The following SLC28A1 variants were observed in gnomAD, a reference collection of about 807,000 sequenced individuals.
SLC28A1 encodes the protein solute carrier family 28 member 1, also known as sodium/nucleoside cotransporter 1.
A neutral mutation model predicts 74.8 loss-of-function variants in SLC28A1; 64 were observed. That is an observed-to-expected ratio of 0.86 (90% CI 0.70 to 1.05). SLC28A1 has a LOEUF of 1.05. SLC28A1 is among the 50% of genes least tolerant of loss of function. SLC28A1 has a pLI of 0.00. For synonymous variants in SLC28A1, 359 were observed against 335.0 expected (o/e 1.07, Z -0.78); for missense variants, 828 against 822.8 (o/e 1.01, Z -0.08).
intron 9 of SLC28A1, among the ~76,000 whole-genome samples, chr15:84,910,323 T>C (rs72754920): frequency 0.018 from 2,772 of 152,314 alleles, 34 homozygotes; most frequent in Non-Finnish European, 0.026. Flanking sequence ...TACCTTTGCA[T>C]AACCAATGCG....
intron 12 of SLC28A1, among the ~76,000 whole-genome samples, chr15:84,929,810 C>G (rs1332504799): frequency 6.6e-6 from 1 of 152,188 alleles, no homozygotes; most frequent in Non-Finnish European, 1.5e-5. Flanking sequence ...TATAGTGAGC[C>G]ATGATCATGC....
chr15:84,945,448 C>T lies in SLC28A1; in HGVS notation c.*248C>T. ...TCCTAACTCCCCCAGTGTGAATTCT[C>T]AGGGTCACTTCTGCCTCCTCCCGTT... On this transcript the variant is annotated 3_prime_UTR_variant, in exon 19 of 19. Transcript: ENST00000394573. The T allele has an allele frequency of 1.9e-6, 1 of 529,352 alleles. No individual in the cohort carries two copies. Among genetic ancestry groups the T allele is most frequent in the Non-Finnish European group, 3.5e-6 (1 of 287,570 alleles). 32.8% of individuals were successfully genotyped at this position (529,352 alleles called of 1,614,324 possible).
rs970673161 is a variant in SLC28A1 at position 84,944,774 on chromosome 15, G to A, written c.1781G>A (p.Arg594Lys). 23 of 1,613,226 alleles carry A rather than the reference G, an allele frequency of 1.4e-5. No homozygotes were observed. Among genetic ancestry groups the A allele is most frequent in the East Asian group, 2.2e-5 (1 of 44,870 alleles). The change falls in exon 18 of 19, where the codon AGG becomes AAG. Residue 594 changes from arginine (R) to lysine (K), a missense_variant. Transcript: ENST00000394573. ...TCTACAGGGATCCTCTACATGCCCA[G>A]GGGGGCTGAAGTTGACTGCATGTCC... ...ACMAGILYMP[R>K]GAEVDCMSLL... is the part of the protein sequence containing the mutation.
intron 13 of SLC28A1, 108 bp downstream of exon 13, chr15:84,933,383 C>A: frequency 1.5e-6 from 2 of 1,355,188 alleles, no homozygotes; most frequent in Non-Finnish European, 2.1e-6. Context: ...TAGCCTGGGC[C>A]CATCTCTCCA....
At chr15:84,936,350 C>T (rs12906038) in intron 15 of SLC28A1, among the ~76,000 whole-genome samples, 46,761 of 151,856 alleles carry the variant, frequency 0.31, 8,465 homozygotes, top group East Asian at 0.82. Flanking sequence ...TTCCACCTCC[C>T]GGGTTCGAGT....
intron 5 of SLC28A1, among the ~76,000 whole-genome samples, chr15:84,893,254 T>C (rs1053854756): frequency 2.6e-5 from 4 of 151,944 alleles, no homozygotes; most frequent in Non-Finnish European, 5.9e-5. Context: ...TGAGGATTCA[T>C]TGTGAAAATG....
chr15:84,887,971 C>A lies in SLC28A1; in HGVS notation c.96+115C>A, dbSNP rs921522809. The A allele has an allele frequency of 7.8e-5, 59 of 755,396 alleles. 2 individuals are homozygous for A. In the Middle Eastern group the frequency reaches 1.5e-3, roughly 20 times the overall value. 46.8% of individuals were successfully genotyped at this position (755,396 alleles called of 1,614,324 possible). A position where few individuals can be genotyped will look rare whatever the true frequency, so the allele number is the denominator to read the frequency against. ...CTTCCCTCATACCCCATTCTTCTGC[C>A]CCCTTCTCACCTCTTTGCTGGCACA... On this transcript the variant is annotated intron_variant, in intron 3 of 18. Transcript: ENST00000394573.
chr15:84,924,930 C>A (rs929817753), intron 12 of SLC28A1, among the ~76,000 whole-genome samples: 3 of 140,320 alleles, frequency 2.1e-5, no homozygotes, highest in African/African-American at 8.0e-5. Context: ...GAGACGGAGT[C>A]TTGCTCTGTT....
chr15:84,895,538 C>T (rs1017259758), intron 6 of SLC28A1: 1 of 1,552,454 alleles, frequency 6.4e-7, no homozygotes, highest in African/African-American at 1.4e-5. Context: ...CCAGGGGATT[C>T]TGATGTAGCC....
intron 15 of SLC28A1, among the ~76,000 whole-genome samples, chr15:84,941,412 A>G (rs1288156685): frequency 6.6e-6 from 1 of 151,932 alleles, no homozygotes; most frequent in Non-Finnish European, 1.5e-5. Context: ...TCACCATGTT[A>G]GCCAGGATGG....
At chr15:84,966,787 C>T in the SLC28A1 span, among the ~76,000 whole-genome samples, 1 of 152,042 alleles carries the variant, frequency 6.6e-6, no homozygotes, top group Non-Finnish European at 1.5e-5. Context: ...AAAGACCTGC[C>T]CCATGATTCA....
At chr15:84,958,177 A>G in the SLC28A1 span, among the ~76,000 whole-genome samples, 5 of 152,178 alleles carry the variant, frequency 3.3e-5, no homozygotes, top group South Asian at 4.1e-4. Flanking sequence ...GTTTATATAT[A>G]TAAATCCGCA....
At chr15:84,928,597 T>TC (rs1567172614) in intron 12 of SLC28A1, among the ~76,000 whole-genome samples, 27 of 22,562 alleles carry the variant, frequency 1.2e-3, no homozygotes, top group East Asian at 2.7e-3. Flanking sequence ...TTTCTTTCTT[T>TC]CTTTCTTTTC....
At chr15:84,886,119 C>T (rs1964572053) in intron 1 of SLC28A1, 1 of 984,988 alleles carries the variant, frequency 1.0e-6, no homozygotes, top group Non-Finnish European at 1.2e-6. Flanking sequence ...TCGCTTTGCA[C>T]ACCGTTGGCT....
intron 5 of SLC28A1, 53 bp from the exon 6 acceptor site, chr15:84,894,887 T>C: frequency 6.4e-7 from 1 of 1,574,378 alleles, no homozygotes; most frequent in Non-Finnish European, 8.7e-7. Flanking sequence ...GGCTGCAGGG[T>C]TCTGAAGAGG....
chr15:84,933,261 G>A lies in SLC28A1; in HGVS notation c.1200G>A (p.Val400=), dbSNP rs1397645761. Residue 400 remains valine (V), a synonymous_variant, in exon 13 of 19, where the codon GTG becomes GTA. Transcript: ENST00000394573. The stretch of plus-strand genomic sequence containing the variant: ...CCAAGTTTAGGAGGGAGGAAGGAGT[G>A]AAACTGACCTATGGGTGAGCACAGC... ...EESKFRREEG[V]KLTYGDAQNL... is the part of the protein sequence containing the mutation. 9 of 1,613,330 alleles carry A rather than the reference G, an allele frequency of 5.6e-6. No homozygotes were observed. Among genetic ancestry groups the A allele is most frequent in the South Asian group, 1.1e-5 (1 of 91,034 alleles).
chr15:84,937,115 G>A (rs373469572), intron 15 of SLC28A1, among the ~76,000 whole-genome samples: 127 of 150,570 alleles, frequency 8.4e-4, no homozygotes, highest in African/African-American at 3.0e-3. Context: ...CAGCCAAACC[G>A]TGCTGTAGCC....
intron 6 of SLC28A1, among the ~76,000 whole-genome samples, chr15:84,898,391 A>T (rs910603067): frequency 6.6e-6 from 1 of 152,122 alleles, no homozygotes; most frequent in Admixed American, 6.5e-5. Context: ...ATCCTGGCTA[A>T]CATGGTGAAA....
chr15:84,942,795 C>CA (rs112776441), intron 15 of SLC28A1, among the ~76,000 whole-genome samples: 4,060 of 152,216 alleles, frequency 0.027, 179 homozygotes, highest in African/African-American at 0.091. Context: ...AGGGGCTGTC[C>CA]ACCAAATGGC....
Sources: gnomAD v4.1 joint callset for allele counts (sites outside exome capture counted in the v4.1 genomes callset) on GRCh38, gnomAD v4.1.1 for gene constraint, MANE v1.5 for transcripts, NCBI Gene and HGNC (gene_info 2026-07-23, HGNC 2026-07-21) for gene names.